AKAP13: variants seen among roughly 807,000 people sequenced by gnomAD.
The protein encoded by AKAP13 is A-kinase anchor protein 13.
A neutral mutation model predicts 264.5 loss-of-function variants in AKAP13; 80 were observed. The ratio of observed to expected loss-of-function variants is 0.30; its 90% CI spans 0.25 to 0.36. The LOEUF (loss-of-function observed/expected upper bound fraction) is 0.36, where lower values mean the gene tolerates loss of function less well. Among genes scored for constraint, AKAP13 ranks in the 10% least tolerant of loss-of-function variants. AKAP13 has a pLI of 1.00. For synonymous variants in AKAP13, 1,380 were observed against 1,250.2 expected (o/e 1.10, Z -2.19); for missense variants, 3,712 against 3,435.2 (o/e 1.08, Z -2.01).
At chr15:85,490,651 T>G (rs1429584364) in intron 2 of AKAP13, among the ~76,000 whole-genome samples, 2 of 152,184 alleles carry the variant, frequency 1.3e-5, no homozygotes, top group Non-Finnish European at 2.9e-5. Context: ...TTTCTTAATT[T>G]CACTTATACA....
intron 8 of AKAP13, among the ~76,000 whole-genome samples, chr15:85,589,178 A>G (rs2079483265): frequency 6.6e-6 from 1 of 152,188 alleles, no homozygotes; most frequent in South Asian, 2.1e-4. Context: ...TTAACTCTTC[A>G]CATACTATAT....
intron 1 of AKAP13, among the ~76,000 whole-genome samples, chr15:85,434,275 C>G (rs1370419229): frequency 6.6e-6 from 1 of 152,196 alleles, no homozygotes; most frequent in Non-Finnish European, 1.5e-5. Context: ...GCTTAAAAAA[C>G]GGCGAACCAC....
At chr15:85,440,870 T>C (rs190534765) in intron 1 of AKAP13, among the ~76,000 whole-genome samples, 1 of 152,176 alleles carries the variant, frequency 6.6e-6, no homozygotes, top group Non-Finnish European at 1.5e-5. Flanking sequence ...GTGGTGGAAA[T>C]TTTTAAAAAA....
chr15:85,730,396 G>A, intron 29 of AKAP13, 117 bp from the exon 30 acceptor site: 2 of 985,084 alleles, frequency 2.0e-6, no homozygotes, highest in Non-Finnish European at 3.1e-6. Context: ...TGTGGGTGGG[G>A]AGGGTGTCCT....
intron 11 of AKAP13, among the ~76,000 whole-genome samples, chr15:85,657,150 A>G (rs1011926717): frequency 1.1e-4 from 8 of 72,880 alleles, no homozygotes; most frequent in African/African-American, 7.1e-4. Context: ...TCTCAAAATA[A>G]TAATAATAAT....
chr15:85,540,982 C>T (rs570695912), intron 4 of AKAP13, among the ~76,000 whole-genome samples: 1 of 152,254 alleles, frequency 6.6e-6, no homozygotes, highest in East Asian at 1.9e-4. Flanking sequence ...GTAGAACAGG[C>T]AAAACTAATG....
At chr15:85,438,865 C>T (rs1200635166) in intron 1 of AKAP13, among the ~76,000 whole-genome samples, 4 of 149,780 alleles carry the variant, frequency 2.7e-5, no homozygotes, top group Non-Finnish European at 5.9e-5. Flanking sequence ...CATAAAAACC[C>T]TAGAAGAAAA....
chr15:85,512,582 C>T (rs952032942), intron 2 of AKAP13, among the ~76,000 whole-genome samples: 1 of 152,244 alleles, frequency 6.6e-6, no homozygotes, highest in Non-Finnish European at 1.5e-5. Context: ...AGGAATCCTA[C>T]TTGGATTTGA....
chr15:85,741,809 C>T (rs1438595758), intron 35 of AKAP13, among the ~76,000 whole-genome samples: 2 of 151,766 alleles, frequency 1.3e-5, no homozygotes, highest in Non-Finnish European at 2.9e-5. Context: ...CCTTGGGAGG[C>T]CGAGGCAGGT....
chr15:85,686,351 C>T (rs558468118), intron 16 of AKAP13, among the ~76,000 whole-genome samples: 1 of 152,214 alleles, frequency 6.6e-6, no homozygotes, highest in Non-Finnish European at 1.5e-5. Context: ...CTAAGCTTCT[C>T]AAGCCCTCAC....
intron 5 of AKAP13, among the ~76,000 whole-genome samples, chr15:85,548,226 C>G (rs1410506907): frequency 6.6e-6 from 1 of 152,146 alleles, no homozygotes; most frequent in African/African-American, 2.4e-5. Flanking sequence ...TGCATTTTGG[C>G]TCTGCCATTT....
intron 1 of AKAP13, among the ~76,000 whole-genome samples, chr15:85,460,221 C>G (rs1194861167): frequency 6.6e-6 from 1 of 152,214 alleles, no homozygotes; most frequent in Non-Finnish European, 1.5e-5. Context: ...TCCTATCACA[C>G]ACACACTCAC....
At chr15:85,603,646 C>T (rs1265114766) in intron 8 of AKAP13, among the ~76,000 whole-genome samples, 1 of 152,198 alleles carries the variant, frequency 6.6e-6, no homozygotes, top group African/African-American at 2.4e-5. Context: ...CTTTTTCACC[C>T]CACAGTCCAG....
At chr15:85,740,775 A>ACCCCCCCCCCCCCCCCC (rs34080252) in intron 34 of AKAP13, among the ~76,000 whole-genome samples, 3 of 67,386 alleles carry the variant, frequency 4.5e-5, no homozygotes, top group Non-Finnish European at 7.9e-5. Flanking sequence ...ACACACAACC[A>ACCCCCCCCCCCCCCCCC]CCCCCCCCCC....
intron 1 of AKAP13, among the ~76,000 whole-genome samples, chr15:85,433,997 C>G (rs1046972054): frequency 6.6e-6 from 1 of 151,894 alleles, no homozygotes; most frequent in Admixed American, 6.6e-5. Flanking sequence ...AGGAACAGCT[C>G]CGGTCTACAG....
At chr15:85,527,544 C>T (rs896179902) in intron 3 of AKAP13, among the ~76,000 whole-genome samples, 2 of 152,208 alleles carry the variant, frequency 1.3e-5, no homozygotes, top group Non-Finnish European at 2.9e-5. Flanking sequence ...CTGAGAAACA[C>T]TGCCTTAGAG....
At chr15:85,672,997 A>T (rs779566240) in intron 14 of AKAP13, among the ~76,000 whole-genome samples, 18 of 152,172 alleles carry the variant, frequency 1.2e-4, no homozygotes, top group Admixed American at 1.3e-4. Context: ...TCCTAATCTC[A>T]CTGCTTTCCA....
intron 8 of AKAP13, among the ~76,000 whole-genome samples, chr15:85,636,669 C>T (rs1169739221): frequency 6.7e-6 from 1 of 150,132 alleles, no homozygotes; most frequent in Non-Finnish European, 1.5e-5. Context: ...GGCTGGTGTT[C>T]AGTGGCACAA....
At chr15:85,502,223 G>A (rs963986431) in intron 2 of AKAP13, among the ~76,000 whole-genome samples, 1 of 152,156 alleles carries the variant, frequency 6.6e-6, no homozygotes, top group African/African-American at 2.4e-5. Flanking sequence ...TTACATTCCT[G>A]CCCTACTGTG....
Sources: gnomAD v4.1 joint callset for allele counts (sites outside exome capture counted in the v4.1 genomes callset) on GRCh38, gnomAD v4.1.1 for gene constraint, MANE v1.5 for transcripts, NCBI Gene and HGNC (gene_info 2026-07-23, HGNC 2026-07-21) for gene names.